TRAF3: variants seen among roughly 807,000 people sequenced by gnomAD.
TRAF3 encodes TNF receptor-associated factor 3.
In TRAF3, 13 loss-of-function variants were observed where a neutral mutation model predicts 62.3. The ratio of observed to expected loss-of-function variants is 0.21; its 90% CI spans 0.14 to 0.33. The LOEUF (loss-of-function observed/expected upper bound fraction) is 0.33, where lower values mean the gene tolerates loss of function less well. Among genes scored for constraint, TRAF3 ranks in the 10% least tolerant of loss-of-function variants. The pLI is 1.00. For synonymous variants in TRAF3, 269 were observed against 283.4 expected, an observed-to-expected ratio of 0.95 and a Z score of 0.51; for missense variants, 440 against 741.8, an observed-to-expected ratio of 0.59 and a Z score of 4.73.
At chr14:102,782,837 A>T (rs1897322327) in intron 1 of TRAF3, among the ~76,000 whole-genome samples, 1 of 152,124 alleles carries the variant, frequency 6.6e-6, no homozygotes, top group Non-Finnish European at 1.5e-5. Context: ...CTGTGGCAGA[A>T]CCCAAAAGCG....
At chr14:102,900,970 G>A (rs1400679069) in intron 10 of TRAF3, among the ~76,000 whole-genome samples, 1 of 152,136 alleles carries the variant, frequency 6.6e-6, no homozygotes, top group African/African-American at 2.4e-5. Context: ...ATGAAATCAC[G>A]TTTGCTGCGT....
intron 1 of TRAF3, among the ~76,000 whole-genome samples, chr14:102,811,908 T>C (rs1367057914): frequency 8.1e-6 from 1 of 124,094 alleles, no homozygotes; most frequent in African/African-American, 2.9e-5. Context: ...CCACCATGCC[T>C]GGCCCTTTTT....
At chr14:102,892,567 A>T (rs191161866) in intron 9 of TRAF3, among the ~76,000 whole-genome samples, 1 of 152,214 alleles carries the variant, frequency 6.6e-6, no homozygotes, top group Non-Finnish European at 1.5e-5. Context: ...AAAAATATAA[A>T]CTTAATTCAA....
rs904805850 is a variant in TRAF3, at chr14:102,779,242, G to C, written c.-157+1567G>C. Among the ~76,000 whole-genome samples the C allele has an allele frequency of 2.0e-5, 3 of 148,444 alleles. No individual in the cohort carries two copies. The Admixed American group carries it at 2.0e-4, about 10-fold the overall frequency. On this transcript the variant is annotated intron_variant, in intron 1 of 11. Coordinates refer to ENST00000392745, the MANE Select transcript of TRAF3 (RefSeq NM_145725.3). ...TGTCAATGCAGAAGCCAGGAAAGGA[G>C]AGAGAGCTGGCCAGGGAGAATTCCA...
intron 10 of TRAF3, 79 bp downstream of exon 10, chr14:102,897,480 T>C: frequency 6.4e-7 from 1 of 1,563,486 alleles, no homozygotes; most frequent in East Asian, 2.3e-5. Context: ...CTTAGCAAAC[T>C]CTTTGAGCTG....
intron 2 of TRAF3, among the ~76,000 whole-genome samples, chr14:102,837,675 G>T (rs909977400): frequency 6.6e-6 from 1 of 152,110 alleles, no homozygotes; most frequent in African/African-American, 2.4e-5. Flanking sequence ...TTAAAATGGG[G>T]TGGATGCATC....
At chr14:102,899,144 A>T (rs1248416222) in intron 10 of TRAF3, among the ~76,000 whole-genome samples, 1 of 152,242 alleles carries the variant, frequency 6.6e-6, no homozygotes. Flanking sequence ...CGTGGTCTAC[A>T]CAGAAGGTCC....
chr14:102,801,308 C>G (rs1898397137), intron 1 of TRAF3, among the ~76,000 whole-genome samples: 1 of 152,078 alleles, frequency 6.6e-6, no homozygotes. Context: ...CTGCCTCAGA[C>G]TTCCCTGGAG....
chr14:102,896,315 C>T (rs1419541855), intron 9 of TRAF3, among the ~76,000 whole-genome samples: 1 of 152,140 alleles, frequency 6.6e-6, no homozygotes, highest in Non-Finnish European at 1.5e-5. Context: ...CCCCCACTAC[C>T]CACCTCCACC....
In TRAF3 at chr14:102,866,850, AACACACACACACACACACACACACAC is replaced by A. The variant is rs538121314; in HGVS notation, c.-17-3317_-17-3292del. 4.0e-3 allele frequency among the ~76,000 whole-genome samples: 535 copies of A among 132,278 alleles called. 3 individuals carry two copies. The highest frequency in any genetic ancestry group is 0.01 in the Admixed American group (141 of 13,498). The allele number at this position is 132,278 out of a possible 152,430, so 86.8% of individuals were successfully genotyped here. ...ACAGAACGAGACTCCATCTCTTGAA[AACACACACACACACACACACACACAC>A]ACACACACACACACACAAAACAATG... On this transcript the variant is annotated intron_variant, in intron 2 of 11. Coordinates refer to ENST00000392745, the MANE Select transcript of TRAF3 (RefSeq NM_145725.3).
intron 2 of TRAF3, among the ~76,000 whole-genome samples, chr14:102,843,655 A>G (rs1477150056): frequency 6.6e-6 from 1 of 152,066 alleles, no homozygotes; most frequent in Non-Finnish European, 1.5e-5. Flanking sequence ...GTCAGTTTCC[A>G]TCTGGGGCCA....
At chr14:102,836,057 T>C (rs1351955133) in intron 2 of TRAF3, among the ~76,000 whole-genome samples, 1 of 152,184 alleles carries the variant, frequency 6.6e-6, no homozygotes, top group Non-Finnish European at 1.5e-5. Flanking sequence ...CAAGACCCTG[T>C]CTCTAAAATA....
intron 1 of TRAF3, among the ~76,000 whole-genome samples, chr14:102,819,406 A>C (rs1007170694): frequency 6.6e-6 from 1 of 152,138 alleles, no homozygotes; most frequent in African/African-American, 2.4e-5. Flanking sequence ...CTTCCCCTCC[A>C]TGAGGGCAGG....
intron 1 of TRAF3, among the ~76,000 whole-genome samples, chr14:102,802,400 C>T (rs1273651783): frequency 4.0e-5 from 6 of 150,534 alleles, no homozygotes; most frequent in Non-Finnish European, 7.4e-5. Flanking sequence ...GTGATCTGCC[C>T]GCCTCGGCCT....
rs1052343478 is a variant in TRAF3, at chr14:102,910,831, G to A, written c.*5047G>A. The stretch of plus-strand genomic sequence containing the variant: ...ATCGCTGTACCGCTCCTGTAATTAG[G>A]TGATGACTGGATTTGACAACTTAGT... On this transcript the variant is annotated 3_prime_UTR_variant, in exon 12 of 12. Coordinates refer to ENST00000392745, the MANE Select transcript of TRAF3 (RefSeq NM_145725.3). 2.6e-5 allele frequency: 4 copies of A among 152,212 alleles called. No homozygotes were observed. The highest frequency in any genetic ancestry group is 9.7e-5 in the African/African-American group (4 of 41,438). The allele number at this position is 152,212 out of a possible 1,614,324, so 9.4% of individuals were successfully genotyped here.
intron 2 of TRAF3, among the ~76,000 whole-genome samples, chr14:102,840,956 C>T (rs553391162): frequency 1.1e-4 from 17 of 152,312 alleles, no homozygotes; most frequent in African/African-American, 4.1e-4. Context: ...TGTATAGTAA[C>T]CATTGTAGGT....
At chr14:102,869,888 G>C (rs1209438445) in intron 2 of TRAF3, among the ~76,000 whole-genome samples, 1 of 151,790 alleles carries the variant, frequency 6.6e-6, no homozygotes, top group Non-Finnish European at 1.5e-5. Context: ...ATAGCTTGGT[G>C]CAACCTTCAA....
chr14:102,867,395 A>G (rs1293971550), intron 2 of TRAF3, among the ~76,000 whole-genome samples: 3 of 152,186 alleles, frequency 2.0e-5, no homozygotes, highest in Admixed American at 6.6e-5. Context: ...TAGTTTGCCA[A>G]TTCCTGGTTC....
In TRAF3 at chr14:102,846,977, C is replaced by T. The variant is rs148047797; in HGVS notation, c.-18+16505C>T. Among the ~76,000 whole-genome samples the T allele has an allele frequency of 2.7e-3, 412 of 152,106 alleles. 1 individual carries two copies. The highest frequency in any genetic ancestry group is 8.6e-3 in the African/African-American group (358 of 41,484). On this transcript the variant is annotated intron_variant, in intron 2 of 11. Coordinates refer to ENST00000392745, the MANE Select transcript of TRAF3 (RefSeq NM_145725.3). ...GTATTTATGTAATAACTTCATGAAA[C>T]GGTATACATATGTTTTCTATGCTTT...
Sources: gnomAD v4.1 joint callset for allele counts (sites outside exome capture counted in the v4.1 genomes callset) on GRCh38, gnomAD v4.1.1 for gene constraint, MANE v1.5 for transcripts, NCBI Gene and HGNC (gene_info 2026-07-23, HGNC 2026-07-21) for gene names.